The following TRIQK variants were observed in gnomAD, a reference collection of about 807,000 sequenced individuals.
The protein encoded by TRIQK is triple QxxK/R motif-containing protein.
Under a neutral mutation model 10.8 loss-of-function variants are expected in TRIQK, and 10 were observed. That is an observed-to-expected ratio of 0.92 (90% CI 0.57 to 1.57). The LOEUF (loss-of-function observed/expected upper bound fraction) is 1.57. Among genes scored for constraint, TRIQK ranks in the 40% most tolerant of loss-of-function variants. The probability of loss-of-function intolerance (pLI) is 0.00; values close to 1 mark genes in which losing one functional copy is unlikely to be tolerated. For missense variants in TRIQK, 107 were observed against 97.7 expected, an observed-to-expected ratio of 1.09 and a Z score of -0.40; for synonymous variants, 33 against 33.7, an observed-to-expected ratio of 0.98 and a Z score of 0.07.
chr8:92,949,782 AAAAGAAAGAAAGAAAGAAAGAAAGAAAG>A (rs80051316), intron 2 of TRIQK, among the ~76,000 whole-genome samples: 62 of 72,042 alleles, frequency 8.6e-4, no homozygotes, highest in Non-Finnish European at 1.0e-3. Flanking sequence ...GAAAGAAAGA[AAAAGAAAGAAAGAAAGAAAGAAAGAAAG>A]AAAGAAAGAA....
chr8:92,933,827 C>A (rs990177705), intron 2 of TRIQK, among the ~76,000 whole-genome samples: 4 of 152,002 alleles, frequency 2.6e-5, no homozygotes, highest in African/African-American at 7.2e-5. Flanking sequence ...CACAATGATT[C>A]TCACACTTCT....
chr8:92,888,783 A>G (rs950044746), intron 4 of TRIQK, among the ~76,000 whole-genome samples: 17 of 151,574 alleles, frequency 1.1e-4, no homozygotes, highest in African/African-American at 3.9e-4. Context: ...TATTTTATTT[A>G]TGTAACAAAA....
intron 1 of TRIQK, among the ~76,000 whole-genome samples, chr8:93,010,666 C>T (rs1470711811): frequency 6.6e-6 from 1 of 151,946 alleles, no homozygotes; most frequent in Non-Finnish European, 1.5e-5. Flanking sequence ...AATATAAATG[C>T]CACACTTTAT....
intron 1 of TRIQK, among the ~76,000 whole-genome samples, chr8:93,011,844 T>G (rs1813338921): frequency 6.6e-6 from 1 of 152,120 alleles, no homozygotes; most frequent in African/African-American, 2.4e-5. Context: ...GTAAAACAAC[T>G]AATTGGTAGG....
At chr8:92,903,605 C>A (rs923117868) in intron 3 of TRIQK, among the ~76,000 whole-genome samples, 1 of 152,052 alleles carries the variant, frequency 6.6e-6, no homozygotes, top group African/African-American at 2.4e-5. Context: ...GATTCTGTTG[C>A]AGAATAAAAT....
At chr8:92,999,922 T>C (rs1813191561) in intron 1 of TRIQK, among the ~76,000 whole-genome samples, 1 of 152,196 alleles carries the variant, frequency 6.6e-6, no homozygotes, top group Admixed American at 6.5e-5. Flanking sequence ...CTTACTTTCA[T>C]TATTTCAGTT....
At chr8:92,980,336 T>G (rs933952158) in intron 1 of TRIQK, among the ~76,000 whole-genome samples, 1 of 152,062 alleles carries the variant, frequency 6.6e-6, no homozygotes, top group Non-Finnish European at 1.5e-5. Flanking sequence ...ACTTTATGTT[T>G]TTGCATTTAT....
Position 92,886,448 on chromosome 8 carries a change from G to A in TRIQK, c.*174C>T, listed in dbSNP as rs1317240587. The A allele has an allele frequency of 1.2e-5, 6 of 508,252 alleles. No individual in the cohort carries two copies. Among genetic ancestry groups the A allele is most frequent in the Middle Eastern group, 7.5e-4 (2 of 2,660 alleles). The allele number at this position is 508,252 out of a possible 1,614,324, so 31.5% of individuals were successfully genotyped here. ...CCAGTAGCACATACTATACTGCATT[G>A]CTAGGTAAGGTTCTTTTCCTGACAT... On this transcript the variant is annotated 3_prime_UTR_variant, in exon 5 of 5. Transcript: ENST00000521988.
intron 1 of TRIQK, among the ~76,000 whole-genome samples, chr8:92,987,622 A>G (rs1275401308): frequency 6.6e-6 from 1 of 152,200 alleles, no homozygotes. Flanking sequence ...GTAAATAATA[A>G]TCAAAATTGT....
intron 2 of TRIQK, among the ~76,000 whole-genome samples, chr8:92,918,013 A>T (rs964422743): frequency 2.0e-5 from 3 of 152,030 alleles, no homozygotes; most frequent in African/African-American, 4.8e-5. Context: ...TTCTCTTAAC[A>T]TAATGACCTT....
At chr8:92,932,855 C>T (rs1810804445) in intron 2 of TRIQK, among the ~76,000 whole-genome samples, 1 of 152,112 alleles carries the variant, frequency 6.6e-6, no homozygotes, top group Non-Finnish European at 1.5e-5. Flanking sequence ...CTGGATTTGG[C>T]CAGTGAAAGT....
chr8:92,933,903 T>C (rs1305995520), intron 2 of TRIQK, among the ~76,000 whole-genome samples: 3 of 152,106 alleles, frequency 2.0e-5, no homozygotes, highest in Non-Finnish European at 4.4e-5. Flanking sequence ...GCGGCAAGCA[T>C]CACTTATGCT....
chr8:92,888,749 G>C (rs567849964), intron 4 of TRIQK, among the ~76,000 whole-genome samples: 2 of 151,586 alleles, frequency 1.3e-5, no homozygotes, highest in East Asian at 3.9e-4. Flanking sequence ...AGGGGTTGTG[G>C]GCAGGATCTG....
chr8:92,912,559 TAA>T (rs924697616), intron 3 of TRIQK, among the ~76,000 whole-genome samples: 2 of 151,500 alleles, frequency 1.3e-5, no homozygotes, highest in Non-Finnish European at 3.0e-5. Context: ...AGCAAAATAG[TAA>T]AGATTCTGGC....
intron 3 of TRIQK, among the ~76,000 whole-genome samples, chr8:92,892,816 C>T (rs577183567): frequency 1.3e-5 from 2 of 151,848 alleles, no homozygotes; most frequent in Non-Finnish European, 2.9e-5. Flanking sequence ...AAGTGGATTA[C>T]ACAGCCTGGG....
At chr8:92,975,297 G>T (rs1474185345) in intron 1 of TRIQK, among the ~76,000 whole-genome samples, 1 of 152,190 alleles carries the variant, frequency 6.6e-6, no homozygotes, top group Non-Finnish European at 1.5e-5. Flanking sequence ...TTTTTGTGTA[G>T]AAATCTCCGA....
chr8:92,915,375 G>C (rs537092008), intron 3 of TRIQK, among the ~76,000 whole-genome samples: 2 of 152,212 alleles, frequency 1.3e-5, no homozygotes, highest in African/African-American at 4.8e-5. Flanking sequence ...ACACAGAAAA[G>C]GTACTATGTG....
At chr8:92,946,995 G>A (rs1811573757) in intron 2 of TRIQK, among the ~76,000 whole-genome samples, 1 of 151,374 alleles carries the variant, frequency 6.6e-6, no homozygotes, top group Non-Finnish European at 1.5e-5. Flanking sequence ...TCGATCTCCT[G>A]ACCTCGTGAT....
chr8:92,928,203 G>A (rs954000067), intron 2 of TRIQK, among the ~76,000 whole-genome samples: 1 of 152,194 alleles, frequency 6.6e-6, no homozygotes, highest in Admixed American at 6.5e-5. Context: ...GTAGGGCAGT[G>A]AGAAAAGTTA....
Sources: allele counts gnomAD v4.1 joint callset (sites outside exome capture counted in the v4.1 genomes callset), GRCh38; gene constraint gnomAD v4.1.1; transcripts MANE v1.5; gene names NCBI Gene and HGNC (gene_info 2026-07-23, HGNC 2026-07-21).